The following KANSL3 variants were observed in gnomAD, a reference collection of about 807,000 sequenced individuals.
The protein encoded by KANSL3 is KAT8 regulatory NSL complex subunit 3.
In KANSL3, 16 loss-of-function variants were observed where a neutral mutation model predicts 89.2. That is an observed-to-expected ratio of 0.18 (90% CI 0.12 to 0.27). The LOEUF (loss-of-function observed/expected upper bound fraction) is 0.27, where lower values mean the gene tolerates loss of function less well. KANSL3 is among the 10% of genes least tolerant of loss of function. The pLI is 1.00. For missense variants in KANSL3, 879 were observed against 1,110.6 expected (o/e 0.79, Z 2.96); for synonymous variants, 385 against 419.7 (o/e 0.92, Z 1.01).
At chr2:96,633,617 G>A (rs2073813517) in intron 2 of KANSL3, among the ~76,000 whole-genome samples, 1 of 148,506 alleles carries the variant, frequency 6.7e-6, no homozygotes, top group African/African-American at 2.5e-5. Context: ...GGTAATCCCA[G>A]CACTCTGGGA....
chr2:96,619,050 C>T (rs2070754119), intron 5 of KANSL3, among the ~76,000 whole-genome samples: 2 of 152,230 alleles, frequency 1.3e-5, no homozygotes, highest in South Asian at 4.1e-4. Context: ...CCCTGGTAAA[C>T]CCTTCGTCTC....
At chr2:96,628,258 G>T in intron 3 of KANSL3, 1 of 984,958 alleles carries the variant, frequency 1.0e-6, no homozygotes. Flanking sequence ...ATTCACTTCT[G>T]AAATAAAATG....
intron 20 of KANSL3, 41 bp downstream of exon 20, chr2:96,601,602 A>C: frequency 1.2e-6 from 2 of 1,600,708 alleles, no homozygotes; most frequent in Non-Finnish European, 8.5e-7. Flanking sequence ...AAACTTCCCA[A>C]TAATGAAGCC....
Position 96,612,914 on chromosome 2 carries a change from C to T in KANSL3, c.816G>A (p.Pro272=), listed in dbSNP as rs910453709. The T allele has an allele frequency of 1.9e-5, 29 of 1,563,902 alleles. No homozygotes were observed. In the East Asian group the frequency reaches 4.7e-4, roughly 26 times the overall value. Residue 272 remains proline (P), a synonymous_variant, in exon 7 of 21, where the codon CCG becomes CCA. Coordinates refer to ENST00000431828, the MANE Select transcript of KANSL3 (RefSeq NM_001115016.3). ...GACCAGAGGAGGCGATGAGAATCAGCGGAGAGCCAGGGAGTTTGCTCTAAA... is the reference window on the plus strand; with the variant it reads ...GACCAGAGGAGGCGATGAGAATCAGTGGAGAGCCAGGGAGTTTGCTCTAAA... ...HNKPSKLPGS[P]LILIASSGPS... is the part of the protein sequence containing the mutation.
chr2:96,602,399 G>T, intron 18 of KANSL3, 61 bp from the exon 19 acceptor site: 1 of 1,264,032 alleles, frequency 7.9e-7, no homozygotes, highest in Non-Finnish European at 1.1e-6. Context: ...ATTCGAGCTT[G>T]GAGGGCCCAC....
At chr2:96,585,668 T>C in the KANSL3 span, among the ~76,000 whole-genome samples, 2 of 152,016 alleles carry the variant, frequency 1.3e-5, no homozygotes, top group African/African-American at 4.8e-5. Context: ...CACACACATC[T>C]ACAGCAATAC....
intron 2 of KANSL3, among the ~76,000 whole-genome samples, chr2:96,632,677 T>C (rs576281925): frequency 8.3e-4 from 127 of 152,240 alleles, no homozygotes; most frequent in Non-Finnish European, 3.2e-4. Context: ...GGCTAACAAG[T>C]TGATTGCCTA....
rs2067276757 is a variant in KANSL3, at chr2:96,602,201, G to C, written c.2397C>G (p.Ala799=). 5.6e-6 allele frequency: 9 copies of C among 1,607,514 alleles called. No homozygotes were observed. The highest frequency in any genetic ancestry group is 7.6e-6 in the Non-Finnish European group (9 of 1,177,266). ...CCCCATTGGTCAGCAGCTGGTGGAT[G>C]GCTGTGGGCTTCCCACCAGGAGTGG... ...LGATPGGKPT[A]IHQLLTNGGL... Residue 799 remains alanine (A), a synonymous_variant, in exon 19 of 21, where the codon GCC becomes GCG. Coordinates refer to ENST00000431828, the MANE Select transcript of KANSL3 (RefSeq NM_001115016.3).
chr2:96,612,846 C>G lies in KANSL3; in HGVS notation c.884G>C (p.Trp295Ser). ...VFPTSRRHRF[W>S]QSQLSCLGKV... is the part of the protein sequence containing the mutation. ...GCCCAAGCAGGACAGCTGAGATTGC[C>G]AGAAGCGGTGGCGGCGTGAAGTGGG... The change falls in exon 7 of 21, where the codon TGG becomes TCG. Residue 295 changes from tryptophan (W) to serine (S), a missense_variant. Physicochemically the swap from Trp to Ser is radical, Grantham distance 177. Transcript: ENST00000431828. 1 of 1,568,450 alleles carries G rather than the reference C, an allele frequency of 6.4e-7. No homozygotes were observed. Among genetic ancestry groups the G allele is most frequent in the Admixed American group, 1.9e-5 (1 of 52,428 alleles).
chr2:96,599,293 G>C (rs968375546), intron 20 of KANSL3, among the ~76,000 whole-genome samples: 7 of 152,170 alleles, frequency 4.6e-5, no homozygotes, highest in African/African-American at 1.7e-4. Flanking sequence ...AACACAAAGA[G>C]AGAGTTTCAA....
At position 96,594,214 on chromosome 2, in the gene KANSL3, A is replaced by C. The variant is rs1432625921; in HGVS notation, c.*1397T>G. ...GGGCCAGAACCATGGACTACATTTT[A>C]AGCCATGTTGTGGGCCCTTCCTGCC... On this transcript the variant is annotated 3_prime_UTR_variant, in exon 21 of 21. Coordinates refer to ENST00000431828, the MANE Select transcript of KANSL3 (RefSeq NM_001115016.3). 1 of 152,224 alleles carries C rather than the reference A, an allele frequency of 6.6e-6. No individual in the cohort carries two copies. Among genetic ancestry groups the C allele is most frequent in the African/African-American group, 2.4e-5 (1 of 41,446 alleles). The allele number at this position is 152,224 out of a possible 1,614,324, so 9.4% of individuals were successfully genotyped here. A position where few individuals can be genotyped will look rare whatever the true frequency, so the allele number is the denominator to read the frequency against.
chr2:96,618,517 C>T (rs985063300), intron 5 of KANSL3, among the ~76,000 whole-genome samples: 1 of 152,210 alleles, frequency 6.6e-6, no homozygotes, highest in African/African-American at 2.4e-5. Context: ...TGGAGCAAAA[C>T]ACCCCAAATA....
At chr2:96,618,610 G>A (rs916475283) in intron 5 of KANSL3, among the ~76,000 whole-genome samples, 1 of 152,142 alleles carries the variant, frequency 6.6e-6, no homozygotes, top group Non-Finnish European at 1.5e-5. Context: ...CTTACTATGT[G>A]CCCAATTTTG....
chr2:96,620,104 G>A (rs149253190), intron 3 of KANSL3, among the ~76,000 whole-genome samples: 157 of 152,166 alleles, frequency 1.0e-3, no homozygotes, highest in South Asian at 2.1e-3. Flanking sequence ...ATAAATAAAC[G>A]CACAGCACCA....
rs999830745 is a variant in KANSL3 at position 96,613,063 on chromosome 2, G to C, written c.796-129C>G. ...CTTGTGAAATTATGTTAAGCACTAT[G>C]TAAAATAAATTATTAATAATAGTTA... On this transcript the variant is annotated intron_variant, in intron 6 of 20. Coordinates refer to ENST00000431828, the MANE Select transcript of KANSL3 (RefSeq NM_001115016.3). The C allele has an allele frequency of 1.5e-5, 10 of 660,406 alleles. No homozygotes were observed. In the Admixed American group the frequency reaches 2.1e-4, roughly 14 times the overall value. 40.9% of individuals were successfully genotyped at this position (660,406 alleles called of 1,614,324 possible). A position where few individuals can be genotyped will look rare whatever the true frequency, so the allele number is the denominator to read the frequency against.
chr2:96,636,310 ATGTAAC>A (rs2074237425), intron 2 of KANSL3, among the ~76,000 whole-genome samples: 1 of 152,248 alleles, frequency 6.6e-6, no homozygotes, highest in South Asian at 2.1e-4. Flanking sequence ...TTTAGACCAA[ATGTAAC>A]TGTATCACTC....
At chr2:96,611,651 G>A (rs2068974978) in intron 9 of KANSL3, among the ~76,000 whole-genome samples, 1 of 152,170 alleles carries the variant, frequency 6.6e-6, no homozygotes, top group African/African-American at 2.4e-5. Flanking sequence ...TGATTGGACT[G>A]CATGAAGCAA....
chr2:96,606,886 A>G (rs1325062085), intron 14 of KANSL3: 2 of 702,810 alleles, frequency 2.8e-6, no homozygotes, highest in African/African-American at 3.7e-5. Context: ...AAACTGAGGC[A>G]GATGAGAGGC....
chr2:96,592,400 C>T (rs966817427), downstream of KANSL3, among the ~76,000 whole-genome samples: 2 of 152,082 alleles, frequency 1.3e-5, no homozygotes, highest in East Asian at 1.9e-4. Flanking sequence ...ATAGGAAGTG[C>T]GAAAGGATAC....
Sources: gnomAD v4.1 joint callset for allele counts (sites outside exome capture counted in the v4.1 genomes callset) on GRCh38, gnomAD v4.1.1 for gene constraint, MANE v1.5 for transcripts, NCBI Gene and HGNC (gene_info 2026-07-23, HGNC 2026-07-21) for gene names.